Variants in SRBD1 observed in about 807,000 individuals in gnomAD.
SRBD1 encodes the protein S1 RNA binding domain 1.
A neutral mutation model predicts 115.3 loss-of-function variants in SRBD1; 88 were observed. That is an observed-to-expected ratio of 0.76 (90% CI 0.64 to 0.91). The LOEUF is 0.91. Among genes scored for constraint, SRBD1 ranks in the 40% least tolerant of loss-of-function variants. The pLI is 0.00. For missense variants in SRBD1, 1,385 were observed against 1,177.4 expected (o/e 1.18, Z -2.58); for synonymous variants, 509 against 407.7 (o/e 1.25, Z -2.99).
intron 7 of SRBD1, 57 bp downstream of exon 7, chr2:45,579,818 T>C (rs1343862825): frequency 6.9e-7 from 1 of 1,456,062 alleles, no homozygotes; most frequent in Non-Finnish European, 9.1e-7. Flanking sequence ...ACATACGTTT[T>C]TAAATTAAAA....
At chr2:45,460,588 T>C (rs1318829054) in intron 16 of SRBD1, among the ~76,000 whole-genome samples, 1 of 152,212 alleles carries the variant, frequency 6.6e-6, no homozygotes, top group Non-Finnish European at 1.5e-5. Context: ...TCTGCATTGG[T>C]TTGTGGTGGG....
intron 14 of SRBD1, among the ~76,000 whole-genome samples, chr2:45,500,595 T>C (rs1014493822): frequency 1.3e-5 from 2 of 152,052 alleles, no homozygotes; most frequent in East Asian, 1.9e-4. Flanking sequence ...GCTAATTTTT[T>C]TGTAGACATG....
At chr2:45,418,573 A>G in intron 17 of SRBD1, 32 bp from the exon 18 acceptor site, 1 of 1,581,296 alleles carries the variant, frequency 6.3e-7, no homozygotes, top group Non-Finnish European at 8.6e-7. Context: ...ACTGAAAAAA[A>G]GATCTCATCT....
chr2:45,421,295 C>T (rs550772777), intron 16 of SRBD1, among the ~76,000 whole-genome samples: 3 of 151,944 alleles, frequency 2.0e-5, no homozygotes, highest in Admixed American at 6.5e-5. Context: ...ATCACGAGCT[C>T]AGAAGATCGA....
chr2:45,564,857 C>A (rs1418154384), intron 9 of SRBD1, among the ~76,000 whole-genome samples: 1 of 152,080 alleles, frequency 6.6e-6, no homozygotes, highest in Non-Finnish European at 1.5e-5. Flanking sequence ...TTCTGCAGGG[C>A]CAACTCTGGG....
At chr2:45,593,927 G>C (rs927375332) in intron 4 of SRBD1, among the ~76,000 whole-genome samples, 1 of 152,150 alleles carries the variant, frequency 6.6e-6, no homozygotes, top group Non-Finnish European at 1.5e-5. Context: ...TGAGATGTTG[G>C]TAATGTTCTG....
chr2:45,541,949 C>A (rs903627300), intron 14 of SRBD1, among the ~76,000 whole-genome samples: 8 of 152,236 alleles, frequency 5.3e-5, no homozygotes, highest in Non-Finnish European at 7.3e-5. Context: ...CAGACTCCAC[C>A]CAGAACTGGC....
At chr2:45,571,544 T>TAAAAAAAAAA (rs1673017853) in intron 9 of SRBD1, among the ~76,000 whole-genome samples, 2 of 70,136 alleles carry the variant, frequency 2.9e-5, no homozygotes, top group East Asian at 6.4e-4. Context: ...AAAAAAAAAC[T>TAAAAAAAAAA]GTCCATGAGG....
At chr2:45,548,574 A>C (rs1672192390) in intron 12 of SRBD1, among the ~76,000 whole-genome samples, 1 of 152,138 alleles carries the variant, frequency 6.6e-6, no homozygotes, top group South Asian at 2.1e-4. Context: ...AAACTGATCT[A>C]ACAACACACC....
chr2:45,484,918 G>A (rs534132347), intron 15 of SRBD1, among the ~76,000 whole-genome samples: 1 of 152,196 alleles, frequency 6.6e-6, no homozygotes, highest in Non-Finnish European at 1.5e-5. Flanking sequence ...GCATGTACCA[G>A]TACTTCATTC....
intron 10 of SRBD1, among the ~76,000 whole-genome samples, chr2:45,554,208 T>C (rs1672399018): frequency 1.3e-5 from 2 of 152,102 alleles, no homozygotes; most frequent in Admixed American, 1.3e-4. Flanking sequence ...TTGCTCTTTC[T>C]CTCTCTTTCT....
At chr2:45,479,647 T>C (rs2103827435) in intron 15 of SRBD1, among the ~76,000 whole-genome samples, 1 of 152,300 alleles carries the variant, frequency 6.6e-6, no homozygotes, top group African/African-American at 2.4e-5. Flanking sequence ...AAAGAAGCCA[T>C]CTTCCTAACA....
At chr2:45,581,870 C>T (rs1457231892) in intron 5 of SRBD1, 60 bp from the exon 6 acceptor site, 1 of 1,326,772 alleles carries the variant, frequency 7.5e-7, no homozygotes, top group Non-Finnish European at 1.1e-6. Context: ...CTTTTCAAAG[C>T]TACCTCAAAC....
At chr2:45,502,118 AT>A (rs1283239430) in intron 14 of SRBD1, among the ~76,000 whole-genome samples, 4 of 152,116 alleles carry the variant, frequency 2.6e-5, no homozygotes, top group Non-Finnish European at 4.4e-5. Flanking sequence ...AGGCAGCAAC[AT>A]TTGCTGTTCA....
chr2:45,530,103 C>T (rs1386207189), intron 14 of SRBD1, among the ~76,000 whole-genome samples: 3 of 151,812 alleles, frequency 2.0e-5, no homozygotes, highest in African/African-American at 7.3e-5. Flanking sequence ...TTGAGGAAAA[C>T]CATTATGTTG....
At chr2:45,544,282 C>CA (rs1672039162) in intron 14 of SRBD1, among the ~76,000 whole-genome samples, 1 of 149,574 alleles carries the variant, frequency 6.7e-6, no homozygotes, top group Non-Finnish European at 1.5e-5. Flanking sequence ...TCCCTAAACT[C>CA]AAAGATTAGC....
chr2:45,534,391 T>C (rs1027970444), intron 14 of SRBD1, among the ~76,000 whole-genome samples: 35 of 152,028 alleles, frequency 2.3e-4, no homozygotes, highest in Middle Eastern at 3.4e-3. Flanking sequence ...GTGTTCATAA[T>C]AGTCACCGAA....
At chr2:45,538,949 C>CTA (rs1671847729) in intron 14 of SRBD1, among the ~76,000 whole-genome samples, 3 of 151,928 alleles carry the variant, frequency 2.0e-5, no homozygotes, top group Admixed American at 2.0e-4. Context: ...AGAATGAAGG[C>CTA]TATATCATGT....
At chr2:45,548,397 A>G (rs1343664945) in intron 12 of SRBD1, among the ~76,000 whole-genome samples, 1 of 152,036 alleles carries the variant, frequency 6.6e-6, no homozygotes, top group East Asian at 1.9e-4. Context: ...AAAAGAAGAT[A>G]TAACTAGAGA....
Sources: allele counts gnomAD v4.1 joint callset (sites outside exome capture counted in the v4.1 genomes callset), GRCh38; gene constraint gnomAD v4.1.1; transcripts MANE v1.5; gene names NCBI Gene and HGNC (gene_info 2026-07-23, HGNC 2026-07-21).